The following PARD3B variants were observed in gnomAD, a reference collection of about 807,000 sequenced individuals.
PARD3B encodes the protein par-3 family cell polarity regulator beta, also known as partitioning defective 3 homolog B.
A neutral mutation model predicts 130.2 loss-of-function variants in PARD3B; 103 were observed. That is an observed-to-expected ratio of 0.79 (90% CI 0.67 to 0.93). The LOEUF (loss-of-function observed/expected upper bound fraction) is 0.93. Ranked by LOEUF, PARD3B falls within the 40% of genes least tolerant of loss-of-function variation. The pLI is 0.00. For synonymous variants in PARD3B, 583 were observed against 553.2 expected (o/e 1.05, Z -0.76); for missense variants, 1,609 against 1,499.2 (o/e 1.07, Z -1.21).
chr2:204,549,855 GA>G (rs2030311971), intron 1 of PARD3B, among the ~76,000 whole-genome samples: 1 of 151,990 alleles, frequency 6.6e-6, no homozygotes, highest in African/African-American at 2.4e-5. Flanking sequence ...GTCTTTCACT[GA>G]TTTACAGAAA....
At chr2:205,217,904 TTA>T (rs201482853) in intron 15 of PARD3B, among the ~76,000 whole-genome samples, 5,282 of 117,360 alleles carry the variant, frequency 0.045, 765 homozygotes, top group Non-Finnish European at 0.07. Flanking sequence ...ATTTTTTTTT[TTA>T]TTTTTTTGAG....
intron 2 of PARD3B, among the ~76,000 whole-genome samples, chr2:204,784,505 C>T (rs1049585506): frequency 2.6e-5 from 4 of 152,116 alleles, no homozygotes; most frequent in Admixed American, 6.5e-5. Context: ...AATGTGGGGA[C>T]ATGGCATGTA....
chr2:204,935,564 AT>A (rs575466121), intron 2 of PARD3B, among the ~76,000 whole-genome samples: 46 of 151,120 alleles, frequency 3.0e-4, no homozygotes, highest in African/African-American at 9.7e-4. Flanking sequence ...AGAATGTAAA[AT>A]ATATATATAT....
At chr2:204,883,037 A>C (rs2046114744) in intron 2 of PARD3B, among the ~76,000 whole-genome samples, 1 of 152,040 alleles carries the variant, frequency 6.6e-6, no homozygotes, top group South Asian at 2.1e-4. Context: ...AGCATTCCTT[A>C]ATTTTCTTCA....
chr2:205,537,426 C>A (rs143163564), intron 21 of PARD3B, among the ~76,000 whole-genome samples: 1 of 152,014 alleles, frequency 6.6e-6, no homozygotes, highest in Non-Finnish European at 1.5e-5. Context: ...GTCTGCTGAC[C>A]CCTTGCTACA....
At chr2:205,283,503 A>T (rs1056211747) in intron 16 of PARD3B, among the ~76,000 whole-genome samples, 1 of 152,128 alleles carries the variant, frequency 6.6e-6, no homozygotes, top group African/African-American at 2.4e-5. Flanking sequence ...GCCCAGGCTC[A>T]AACATTCTTA....
At chr2:204,723,007 G>A (rs1228114670) in intron 2 of PARD3B, among the ~76,000 whole-genome samples, 1 of 152,038 alleles carries the variant, frequency 6.6e-6, no homozygotes, top group African/African-American at 2.4e-5. Flanking sequence ...TGACACTTTT[G>A]TTATCTCTGG....
At chr2:204,774,655 A>G (rs1234235073) in intron 2 of PARD3B, among the ~76,000 whole-genome samples, 1 of 152,138 alleles carries the variant, frequency 6.6e-6, no homozygotes, top group Admixed American at 6.6e-5. Flanking sequence ...CTCATCAGAT[A>G]TGATTGGAAT....
intron 3 of PARD3B, among the ~76,000 whole-genome samples, chr2:204,993,934 A>T (rs1267560316): frequency 6.6e-6 from 1 of 151,722 alleles, no homozygotes; most frequent in Non-Finnish European, 1.5e-5. Context: ...TATCCCCTTT[A>T]TCATTTTTTA....
intron 6 of PARD3B, among the ~76,000 whole-genome samples, chr2:205,114,751 A>AT (rs1559452532): frequency 1.2e-4 from 3 of 24,596 alleles, no homozygotes; most frequent in Non-Finnish European, 8.1e-5. Context: ...CGAAGTCATC[A>AT]CCTTTTTTTT....
At chr2:205,020,763 T>A (rs1384897794) in intron 3 of PARD3B, among the ~76,000 whole-genome samples, 3 of 152,120 alleles carry the variant, frequency 2.0e-5, no homozygotes, top group Non-Finnish European at 2.9e-5. Context: ...TCACTTCACA[T>A]TGGGGATCCT....
chr2:205,151,316 T>C (rs909297572), intron 10 of PARD3B, among the ~76,000 whole-genome samples: 5 of 152,182 alleles, frequency 3.3e-5, no homozygotes, highest in African/African-American at 1.2e-4. Context: ...CTGGATATCC[T>C]TGTTAACTTT....
At chr2:204,836,415 C>A (rs2125578237) in intron 2 of PARD3B, among the ~76,000 whole-genome samples, 1 of 152,252 alleles carries the variant, frequency 6.6e-6, no homozygotes, top group South Asian at 2.1e-4. Flanking sequence ...GTAATCCTAG[C>A]ACTTTGGGAG....
At chr2:205,239,705 G>A (rs1360616869) in intron 15 of PARD3B, among the ~76,000 whole-genome samples, 2 of 152,156 alleles carry the variant, frequency 1.3e-5, no homozygotes, top group African/African-American at 2.4e-5. Context: ...GTTGGATAAC[G>A]ATGAAGGGAA....
intron 21 of PARD3B, among the ~76,000 whole-genome samples, chr2:205,519,682 G>C (rs945382014): frequency 6.6e-6 from 1 of 152,186 alleles, no homozygotes; most frequent in African/African-American, 2.4e-5. Flanking sequence ...GAGTTCTTTT[G>C]TTGCTTCTTT....
chr2:204,602,621 C>G (rs1384032884), intron 1 of PARD3B, among the ~76,000 whole-genome samples: 1 of 151,840 alleles, frequency 6.6e-6, no homozygotes, highest in African/African-American at 2.4e-5. Flanking sequence ...ATCCCCAACT[C>G]TCATTAATGA....
At position 205,568,893 on chromosome 2, in the gene PARD3B, G is replaced by T. The variant is rs948378893; in HGVS notation, c.3260+15490G>T. Among the ~76,000 whole-genome samples, 1 of 152,130 alleles carries T rather than the reference G, an allele frequency of 6.6e-6. No homozygotes were observed. Among genetic ancestry groups the T allele is most frequent in the Non-Finnish European group, 1.5e-5 (1 of 68,022 alleles). On this transcript the variant is annotated intron_variant, in intron 22 of 22. Coordinates refer to ENST00000406610, the MANE Select transcript of PARD3B (RefSeq NM_001302769.2). This position sits in a 1 kb window ranked among gnomAD's most constrained non-coding sequence, Gnocchi z 5.3. The stretch of plus-strand genomic sequence containing the variant: ...TAGGCTCACCTTCTTAGAACAAAAA[G>T]TATGTGTCATAAGTCAAACAGGCTA...
chr2:205,172,367 G>A lies in PARD3B; in HGVS notation c.1777G>A (p.Glu593Lys). The A allele has an allele frequency of 6.2e-7, 1 of 1,613,908 alleles. No individual in the cohort carries two copies. The highest frequency in any genetic ancestry group is 8.5e-7 in the Non-Finnish European group (1 of 1,179,892). ...MIQLVILRRP[E>K]RPMEDPAECG... ...CCAGTTGGTGATTCTGAGGAGGCCA[G>A]AGAGACCAATGGAGGTGATGCAAAT... Residue 593 changes from glutamate to lysine, a missense_variant, in exon 12 of 23, where the codon GAG (glutamate) becomes AAG (lysine). Glu to Lys is a moderately conservative substitution (Grantham distance 56). Coordinates refer to ENST00000406610, the MANE Select transcript of PARD3B (RefSeq NM_001302769.2).
intron 3 of PARD3B, among the ~76,000 whole-genome samples, chr2:205,005,035 T>C (rs114686966): frequency 6.6e-6 from 1 of 152,290 alleles, no homozygotes; most frequent in Non-Finnish European, 1.5e-5. Flanking sequence ...AATTCTGTTC[T>C]TTTAAATCAA....
Sources: allele counts gnomAD v4.1 joint callset (sites outside exome capture counted in the v4.1 genomes callset), GRCh38; gene constraint gnomAD v4.1.1; non-coding constraint Gnocchi (gnomAD v3.1); transcripts MANE v1.5; gene names NCBI Gene and HGNC (gene_info 2026-07-23, HGNC 2026-07-21).